The following AMPH variants were observed in gnomAD, a reference collection of about 807,000 sequenced individuals.
AMPH encodes the protein amphiphysin (Stiff-Mann syndrome with breast cancer 128kD autoantigen).
In AMPH, 49 loss-of-function variants were observed where a neutral mutation model predicts 99.1. The ratio of observed to expected loss-of-function variants is 0.49; its 90% CI spans 0.39 to 0.63. AMPH has a LOEUF of 0.63. Among genes scored for constraint, AMPH ranks in the 20% least tolerant of loss-of-function variants. The probability of loss-of-function intolerance (pLI) is 0.00; values close to 1 mark genes in which losing one functional copy is unlikely to be tolerated. For synonymous variants in AMPH, 314 were observed against 317.3 expected, an observed-to-expected ratio of 0.99 and a Z score of 0.11; for missense variants, 759 against 863.4, an observed-to-expected ratio of 0.88 and a Z score of 1.52.
At chr7:38,463,308 C>T (rs1410164019) in intron 9 of AMPH, 195 bp from the exon 10 acceptor site, 9 of 731,498 alleles carry the variant, frequency 1.2e-5, no homozygotes, top group Admixed American at 4.1e-5. Flanking sequence ...CTACAGAGAC[C>T]TCATTCATGT....
chr7:38,469,775 T>G (rs1787810810), intron 7 of AMPH, among the ~76,000 whole-genome samples: 1 of 152,164 alleles, frequency 6.6e-6, no homozygotes, highest in Non-Finnish European at 1.5e-5. Context: ...AACAACCCTA[T>G]GACTATCCAG....
chr7:38,619,337 A>G (rs1793976864), intron 1 of AMPH, among the ~76,000 whole-genome samples: 1 of 152,266 alleles, frequency 6.6e-6, no homozygotes, highest in African/African-American at 2.4e-5. Flanking sequence ...CAAAAGGTCA[A>G]TCTATGAAGT....
intron 11 of AMPH, among the ~76,000 whole-genome samples, chr7:38,453,789 G>A (rs1278904553): frequency 6.6e-6 from 1 of 152,168 alleles, no homozygotes; most frequent in Non-Finnish European, 1.5e-5. Context: ...TATTTGTGAT[G>A]GAACTGAGAG....
At chr7:38,519,345 A>G (rs1459659947) in intron 2 of AMPH, among the ~76,000 whole-genome samples, 1 of 152,232 alleles carries the variant, frequency 6.6e-6, no homozygotes, top group Admixed American at 6.5e-5. Context: ...TTGAGTTTAA[A>G]GATTAATGGA....
At chr7:38,481,930 A>G (rs1203325470) in intron 5 of AMPH, among the ~76,000 whole-genome samples, 1 of 152,136 alleles carries the variant, frequency 6.6e-6, no homozygotes, top group Non-Finnish European at 1.5e-5. Flanking sequence ...TAATCACTCA[A>G]CACTATTTTT....
At chr7:38,478,984 T>C (rs541476194) in intron 5 of AMPH, among the ~76,000 whole-genome samples, 11 of 152,170 alleles carry the variant, frequency 7.2e-5, no homozygotes, top group African/African-American at 2.2e-4. Flanking sequence ...TACAATGTAA[T>C]ATAAAATGGT....
chr7:38,575,235 T>A (rs1792194909), intron 1 of AMPH, among the ~76,000 whole-genome samples: 1 of 152,142 alleles, frequency 6.6e-6, no homozygotes, highest in African/African-American at 2.4e-5. Flanking sequence ...AAATATTTAG[T>A]CTTATCTATA....
At chr7:38,498,898 C>G (rs2129024557) in intron 3 of AMPH, among the ~76,000 whole-genome samples, 1 of 152,312 alleles carries the variant, frequency 6.6e-6, no homozygotes, top group South Asian at 2.1e-4. Context: ...GCTTGCATCT[C>G]ACTGCTCTGT....
chr7:38,573,358 G>C (rs1485318765), intron 1 of AMPH, among the ~76,000 whole-genome samples: 2 of 121,626 alleles, frequency 1.6e-5, no homozygotes, highest in Admixed American at 1.5e-4. Flanking sequence ...GATAAAGCAG[G>C]AAAGAAATAC....
intron 17 of AMPH, among the ~76,000 whole-genome samples, chr7:38,406,735 T>TCC (rs1584048114): frequency 5.8e-5 from 4 of 68,896 alleles, no homozygotes; most frequent in Non-Finnish European, 3.0e-5. Flanking sequence ...CCTTTCCCTC[T>TCC]CTCTCTCTCT....
At chr7:38,628,989 T>C (rs1794359164) in intron 1 of AMPH, among the ~76,000 whole-genome samples, 1 of 152,212 alleles carries the variant, frequency 6.6e-6, no homozygotes, top group South Asian at 2.1e-4. Flanking sequence ...GGGAGTGGAC[T>C]CTCTTTTAAG....
At chr7:38,415,281 T>G (rs922973991) in intron 17 of AMPH, among the ~76,000 whole-genome samples, 15 of 152,154 alleles carry the variant, frequency 9.9e-5, no homozygotes, top group African/African-American at 3.6e-4. Context: ...ACCAGAACAA[T>G]CACAAACTTC....
intron 17 of AMPH, among the ~76,000 whole-genome samples, chr7:38,415,981 C>T (rs2128986393): frequency 6.6e-6 from 1 of 151,584 alleles, no homozygotes; most frequent in South Asian, 2.1e-4. Context: ...ATGAAGCATT[C>T]TTCCAAACAG....
intron 1 of AMPH, among the ~76,000 whole-genome samples, chr7:38,576,450 T>A (rs1792249033): frequency 6.6e-6 from 1 of 152,166 alleles, no homozygotes; most frequent in African/African-American, 2.4e-5. Context: ...TGCTCTATCT[T>A]CATTATTTTT....
chr7:38,494,212 TC>T (rs771142732), intron 4 of AMPH, among the ~76,000 whole-genome samples: 6 of 152,120 alleles, frequency 3.9e-5, no homozygotes, highest in Admixed American at 2.0e-4. Flanking sequence ...ACCCGCCTCG[TC>T]CTCCCAAAGT....
At chr7:38,416,616 C>A (rs933955287) in intron 17 of AMPH, among the ~76,000 whole-genome samples, 6 of 152,102 alleles carry the variant, frequency 3.9e-5, no homozygotes, top group Non-Finnish European at 8.8e-5. Context: ...ATAATAGTAA[C>A]GAAAAATTAA....
chr7:38,457,072 C>A (rs1343387433), intron 11 of AMPH, among the ~76,000 whole-genome samples: 1 of 152,162 alleles, frequency 6.6e-6, no homozygotes, highest in East Asian at 1.9e-4. Context: ...ACCCAACCAA[C>A]AACATATATA....
chr7:38,440,539 A>T (rs1469438496), intron 11 of AMPH, among the ~76,000 whole-genome samples: 4 of 152,156 alleles, frequency 2.6e-5, no homozygotes, highest in Non-Finnish European at 5.9e-5. Context: ...AATCTTTTAA[A>T]AAGATAATTG....
At chr7:38,524,406 G>A (rs151065209) in intron 2 of AMPH, among the ~76,000 whole-genome samples, 219 of 152,264 alleles carry the variant, frequency 1.4e-3, no homozygotes, top group African/African-American at 4.7e-3. Flanking sequence ...ATTTTCTCTG[G>A]GCCTCTAACT....
Sources: allele counts gnomAD v4.1 joint callset (sites outside exome capture counted in the v4.1 genomes callset), GRCh38; gene constraint gnomAD v4.1.1; transcripts MANE v1.5; gene names NCBI Gene and HGNC (gene_info 2026-07-23, HGNC 2026-07-21).